The following DLL3 variants were observed in gnomAD, a reference collection of about 807,000 sequenced individuals.
DLL3 encodes delta like canonical Notch ligand 3.
In DLL3, 49 loss-of-function variants were observed where a neutral mutation model predicts 55.0. The ratio of observed to expected loss-of-function variants is 0.89; its 90% CI spans 0.71 to 1.13. The LOEUF is 1.13. Among genes scored for constraint, DLL3 ranks in the 50% most tolerant of loss-of-function variants. The pLI is 0.00. For synonymous variants in DLL3, 421 were observed against 385.2 expected (o/e 1.09, Z -1.09); for missense variants, 962 against 875.5 (o/e 1.10, Z -1.25).
chr19:39,499,580 G>A, intron 2 of DLL3, 107 bp downstream of exon 2: 1 of 1,431,258 alleles, frequency 7.0e-7, no homozygotes, highest in Non-Finnish European at 9.4e-7. Flanking sequence ...CTGCCTCCCA[G>A]GGGGTGGACG....
intron 8 of DLL3, 101 bp from the exon 9 acceptor site, chr19:39,508,151 T>C: frequency 6.2e-7 from 1 of 1,614,046 alleles, no homozygotes; most frequent in Admixed American, 1.7e-5. Flanking sequence ...GAGGTCACGA[T>C]GCCGACTCCG....
chr19:39,503,490 C>G (rs1382838729), intron 4 of DLL3, among the ~76,000 whole-genome samples: 2 of 152,326 alleles, frequency 1.3e-5, no homozygotes, highest in South Asian at 4.1e-4. Flanking sequence ...CCGACTCCCA[C>G]TCGGAAGCTT....
At position 39,502,923 on chromosome 19, in the gene DLL3, C is replaced by A. The variant is rs760217365; in HGVS notation, c.518C>A (p.Ser173Ter). The A allele has an allele frequency of 6.9e-7, 1 of 1,441,000 alleles. No homozygotes were observed. The highest frequency in any genetic ancestry group is 9.1e-7 in the Non-Finnish European group (1 of 1,103,018). The allele number at this position is 1,441,000 out of a possible 1,614,324, so 89.3% of individuals were successfully genotyped here. Residue 173 changes from serine (S) to a stop codon, truncating the protein, a stop_gained, in exon 4 of 9, where the codon TCG (serine) becomes TAG (stop). Transcript: ENST00000356433. LOFTEE classifies it high-confidence loss of function. ...GCAGGCGCCTGGGAGCTGCGCTTCTCGTACCGCGCGCGCTGCGAGCCGCCT... is the reference window on the plus strand; with the variant it reads ...GCAGGCGCCTGGGAGCTGCGCTTCTAGTACCGCGCGCGCTGCGAGCCGCCT... ...QRAGAWELRFSYRARCEPPAV... is the reference protein window; with the variant it reads ...QRAGAWELRF
At position 39,507,248 on chromosome 19, in the gene DLL3, G is replaced by T; in HGVS notation, c.1303G>T (p.Ala435Ser). The change falls in exon 7 of 9, where the codon GCG (alanine) becomes TCG (serine). Residue 435 changes from alanine to serine, a missense_variant. Physicochemically the swap from Ala to Ser is moderately conservative, Grantham distance 99 (BLOSUM62 1). Coordinates refer to ENST00000356433, the MANE Select transcript of DLL3 (RefSeq NM_203486.3). ...CCGCGAGCGCGCGGACCCGTGCGCC[G>T]CGCGCCCCTGTGCTCACGGCGGCCG... is the stretch of plus-strand genomic sequence containing the variant. ...DCRERADPCA[A>S]RPCAHGGRCY... 6.6e-7 allele frequency: 1 copy of T among 1,506,824 alleles called. No individual in the cohort carries two copies. The highest frequency in any genetic ancestry group is 8.8e-7 in the Non-Finnish European group (1 of 1,135,010). The allele number at this position is 1,506,824 out of a possible 1,614,324, so 93.3% of individuals were successfully genotyped here.
chr19:39,500,635 C>G lies in DLL3; in HGVS notation c.372C>G (p.Ile124Met), dbSNP rs143468961. 6.2e-6 allele frequency: 10 copies of G among 1,613,456 alleles called. No homozygotes were observed. Among genetic ancestry groups the G allele is most frequent in the African/African-American group, 1.3e-5 (1 of 74,882 alleles). The change falls in exon 3 of 9, where the codon ATC (isoleucine) becomes ATG (methionine). Residue 124 changes from isoleucine to methionine, a missense_variant. By Grantham distance (10) the Ile-to-Met change is conservative. Coordinates refer to ENST00000356433, the MANE Select transcript of DLL3 (RefSeq NM_203486.3). ...ACCAGGGCACCTTCTCTTTCATCAT[C>G]GAAACCTGGAGAGAGGAGTTAGGAG... ...DAWPGTFSFI[I>M]ETWREELGDQ... is the part of the protein sequence containing the mutation.
In DLL3 at chr19:39,507,218, G is replaced by T. The variant is rs2144764240; in HGVS notation, c.1273G>T (p.Asp425Tyr). ...CTGCGCGCTGGGCTTCGGCGGCCGCGACTGCCGCGAGCGCGCGGACCCGTG... is the reference window on the plus strand; with the variant it reads ...CTGCGCGCTGGGCTTCGGCGGCCGCTACTGCCGCGAGCGCGCGGACCCGTG... ...CSCALGFGGR[D>Y]CRERADPCAA... The change falls in exon 7 of 9, where the codon GAC becomes TAC. Residue 425 changes from aspartate to tyrosine, a missense_variant. By Grantham distance (160) the Asp-to-Tyr change is radical. Coordinates refer to ENST00000356433, the MANE Select transcript of DLL3 (RefSeq NM_203486.3). 7 of 1,354,698 alleles carry T rather than the reference G, an allele frequency of 5.2e-6. No homozygotes were observed. The highest frequency in any genetic ancestry group is 6.6e-6 in the Non-Finnish European group (7 of 1,062,426). 83.9% of individuals were successfully genotyped at this position (1,354,698 alleles called of 1,614,324 possible). A position where few individuals can be genotyped will look rare whatever the true frequency, so the allele number is the denominator to read the frequency against.
intron 3 of DLL3, among the ~76,000 whole-genome samples, chr19:39,500,956 G>C (rs2079606416): frequency 6.6e-6 from 1 of 151,974 alleles, no homozygotes; most frequent in South Asian, 2.1e-4. Flanking sequence ...GATGTTGAGA[G>C]CTCAGGGTGC....
At chr19:39,499,557 C>T in intron 2 of DLL3, 84 bp downstream of exon 2, 1 of 1,517,276 alleles carries the variant, frequency 6.6e-7, no homozygotes, top group Non-Finnish European at 8.8e-7. Context: ...CTCCAGCTTC[C>T]AAGACCCTAA....
At chr19:39,501,504 T>A (rs183214893) in intron 3 of DLL3, among the ~76,000 whole-genome samples, 29 of 152,322 alleles carry the variant, frequency 1.9e-4, no homozygotes, top group Middle Eastern at 6.8e-3. Flanking sequence ...TTATTTTTTA[T>A]GGACATGGGA....
At chr19:39,504,034 G>A (rs2079625828) in intron 4 of DLL3, 37 bp from the exon 5 acceptor site, 1 of 1,604,168 alleles carries the variant, frequency 6.2e-7, no homozygotes, top group African/African-American at 1.3e-5. Flanking sequence ...CCCCGACGTT[G>A]GTGTTCCCTT....
At position 39,502,830 on chromosome 19, in the gene DLL3, T is replaced by A. The variant is rs55741253; in HGVS notation, c.425T>A (p.Leu142Gln). 0.077 allele frequency: 109,096 copies of A among 1,421,728 alleles called. 4,802 individuals are homozygous for A. The highest frequency in any genetic ancestry group is 0.088 in the Non-Finnish European group (95,855 of 1,093,994). The allele number at this position is 1,421,728 out of a possible 1,614,324, so 88.1% of individuals were successfully genotyped here. A position where few individuals can be genotyped will look rare whatever the true frequency, so the allele number is the denominator to read the frequency against. ...GDQIGGPAWS[L>Q]LARVAGRRRL... ...GTCCTCGCAGGGCCCGCCTGGAGCC[T>A]GCTGGCGCGCGTGGCTGGCAGGCGG... Residue 142 changes from leucine (L) to glutamine (Q), a missense_variant, in exon 4 of 9, where the codon CTG (leucine) becomes CAG (glutamine). Physicochemically the swap from Leu to Gln is moderately radical, Grantham distance 113. Coordinates refer to ENST00000356433, the MANE Select transcript of DLL3 (RefSeq NM_203486.3).
In DLL3 at chr19:39,507,152, G is replaced by A. The variant is rs1452921638; in HGVS notation, c.1207G>A (p.Gly403Ser). Residue 403 changes from glycine (G) to serine (S), a missense_variant, in exon 7 of 9, where the codon GGC (glycine) becomes AGC (serine). Transcript: ENST00000356433. ...DDCAGRACAN[G>S]GTCVEGGGAH... ...CTGCGCGGGCCGCGCCTGCGCTAAC[G>A]GCGGCACGTGTGTGGAGGGCGGCGG... The A allele has an allele frequency of 1.3e-6, 2 of 1,487,766 alleles. No individual in the cohort carries two copies. Among genetic ancestry groups the A allele is most frequent in the Admixed American group, 2.3e-5 (1 of 44,174 alleles). 92.2% of individuals were successfully genotyped at this position (1,487,766 alleles called of 1,614,324 possible).
In DLL3 at chr19:39,502,904, G is replaced by T; in HGVS notation, c.499G>T (p.Ala167Ser). ...PWARDIQRAG[A>S]WELRFSYRAR... Reference sequence around the variant, plus strand: ...GGCCCGGGACATTCAGCGCGCAGGCGCCTGGGAGCTGCGCTTCTCGTACCG... The same window carrying T: ...GGCCCGGGACATTCAGCGCGCAGGCTCCTGGGAGCTGCGCTTCTCGTACCG... The change falls in exon 4 of 9, where the codon GCC becomes TCC. Residue 167 changes from alanine (A) to serine (S), a missense_variant. Ala to Ser is a moderately conservative substitution (Grantham distance 99). Coordinates refer to ENST00000356433, the MANE Select transcript of DLL3 (RefSeq NM_203486.3). The T allele has an allele frequency of 6.9e-7, 1 of 1,444,808 alleles. No individual in the cohort carries two copies. 89.5% of individuals were successfully genotyped at this position (1,444,808 alleles called of 1,614,324 possible).
intron 6 of DLL3, among the ~76,000 whole-genome samples, 182 bp from the exon 7 acceptor site, chr19:39,506,857 A>G (rs1265387553): frequency 6.6e-6 from 1 of 152,208 alleles, no homozygotes. Context: ...AGCTGAATTA[A>G]TTATTCCAAA....
chr19:39,503,204 T>A, intron 4 of DLL3, 147 bp downstream of exon 4: 1 of 868,436 alleles, frequency 1.2e-6, no homozygotes, highest in Non-Finnish European at 1.6e-6. Context: ...CAGGCACCCC[T>A]CTTCAGGGAG....
Position 39,499,360 on chromosome 19 carries a change from G to C in DLL3, c.238G>C (p.Gly80Arg). 1 of 1,558,544 alleles carries C rather than the reference G, an allele frequency of 6.4e-7. No homozygotes were observed. The highest frequency in any genetic ancestry group is 8.6e-7 in the Non-Finnish European group (1 of 1,158,364). ...GGCCGCCGAGTCCCCGTGCGCCCTG[G>C]GCGCGGCGCTGAGTGCGCGCGGACC... ...EEAAESPCAL[G>R]AALSARGPVY... Residue 80 changes from glycine to arginine, a missense_variant, in exon 2 of 9, where the codon GGC becomes CGC. By Grantham distance (125) the Gly-to-Arg change is moderately radical. Transcript: ENST00000356433.
At chr19:39,503,126 GC>G in intron 4 of DLL3, 69 bp downstream of exon 4, 4 of 1,469,082 alleles carry the variant, frequency 2.7e-6, no homozygotes, top group African/African-American at 2.9e-5. Context: ...GTCACTCGCG[GC>G]CCCCAGTCCC....
intron 7 of DLL3, 38 bp from the exon 8 acceptor site, chr19:39,507,792 A>G: frequency 6.2e-7 from 1 of 1,613,306 alleles, no homozygotes; most frequent in Non-Finnish European, 8.5e-7. Flanking sequence ...CTGAGAATTT[A>G]AAGAGTCTGA....
intron 5 of DLL3, among the ~76,000 whole-genome samples, chr19:39,504,731 C>T (rs1307237517): frequency 6.6e-6 from 1 of 151,998 alleles, no homozygotes; most frequent in Non-Finnish European, 1.5e-5. Context: ...AGGTGAGTGG[C>T]CTGCAGGGAG....
Sources: allele counts gnomAD v4.1 joint callset (sites outside exome capture counted in the v4.1 genomes callset), GRCh38; gene constraint gnomAD v4.1.1; transcripts MANE v1.5; gene names NCBI Gene and HGNC (gene_info 2026-07-23, HGNC 2026-07-21).